CNST: variants seen among roughly 807,000 people sequenced by gnomAD.
The protein encoded by CNST is consortin, connexin sorting protein.
A neutral mutation model predicts 72.4 loss-of-function variants in CNST; 39 were observed. That is an observed-to-expected ratio of 0.54 (90% CI 0.42 to 0.70). CNST has a LOEUF of 0.70. Among genes scored for constraint, CNST ranks in the 30% least tolerant of loss-of-function variants. The pLI is 0.00. For missense variants in CNST, 871 were observed against 868.5 expected (o/e 1.00, Z -0.04); for synonymous variants, 332 against 320.1 (o/e 1.04, Z -0.40).
intron 1 of CNST, among the ~76,000 whole-genome samples, chr1:246,576,786 A>G (rs1572113716): frequency 1.3e-5 from 2 of 151,904 alleles, no homozygotes; most frequent in South Asian, 4.2e-4. Context: ...GAGCCACCGC[A>G]CCCAGCCACA....
intron 9 of CNST, among the ~76,000 whole-genome samples, chr1:246,654,466 A>G (rs1464112302): frequency 6.6e-6 from 1 of 152,174 alleles, no homozygotes; most frequent in Non-Finnish European, 1.5e-5. Context: ...GTTTCTTTCA[A>G]ACAATTCCTC....
rs1667418034 is a variant in CNST at position 246,666,994 on chromosome 1, A to AGGT, written c.*1089_*1090insGGT. ...TCCTATTGCGGGGTCATTACGCAAA[A>AGGT]ATTCAATCATACCTTCCATAGACAA... On this transcript the variant is annotated 3_prime_UTR_variant, in exon 11 of 11. Coordinates refer to ENST00000366513, the MANE Select transcript of CNST (RefSeq NM_152609.3). 1 of 152,106 alleles carries AGGT rather than the reference A, an allele frequency of 6.6e-6. No homozygotes were observed. Among genetic ancestry groups the AGGT allele is most frequent in the Non-Finnish European group, 1.5e-5 (1 of 68,034 alleles). The allele number at this position is 152,106 out of a possible 1,614,324, so 9.4% of individuals were successfully genotyped here.
At chr1:246,586,671 G>A (rs1022003002) in intron 1 of CNST, among the ~76,000 whole-genome samples, 5 of 151,884 alleles carry the variant, frequency 3.3e-5, no homozygotes, top group African/African-American at 7.3e-5. Flanking sequence ...CTAATGGGGC[G>A]GTTATATAGC....
chr1:246,587,050 A>C (rs1393915924), intron 1 of CNST, among the ~76,000 whole-genome samples: 1 of 152,224 alleles, frequency 6.6e-6, no homozygotes, highest in East Asian at 1.9e-4. Flanking sequence ...AAATGGAAAT[A>C]ATTTTAGAAC....
intron 10 of CNST, among the ~76,000 whole-genome samples, chr1:246,662,356 G>GA (rs1450141725): frequency 6.6e-6 from 1 of 152,160 alleles, no homozygotes; most frequent in Non-Finnish European, 1.5e-5. Context: ...ATGTTAAAGT[G>GA]AAAAGAAACA....
Position 246,665,890 on chromosome 1 carries a change from G to T in CNST, c.2163G>T (p.Trp721Cys). 6.2e-7 allele frequency: 1 copy of T among 1,611,712 alleles called. No homozygotes were observed. Among genetic ancestry groups the T allele is most frequent in the African/African-American group, 1.3e-5 (1 of 74,996 alleles). ...AGGGAGTGGCAGAACTGAAGCACTG[G>T]ATCTACCTCTCCTAGCAGCATTCCA... ...LLQGVAELKH[W>C]IYLS Residue 721 changes from tryptophan to cysteine, a missense_variant, in exon 11 of 11, where the codon TGG (tryptophan) becomes TGT (cysteine). Coordinates refer to ENST00000366513, the MANE Select transcript of CNST (RefSeq NM_152609.3).
intron 1 of CNST, among the ~76,000 whole-genome samples, chr1:246,575,692 A>C (rs1572111126): frequency 6.6e-6 from 1 of 152,180 alleles, no homozygotes; most frequent in Non-Finnish European, 1.5e-5. Flanking sequence ...AAGCTATTGA[A>C]TTGTGCATTT....
Position 246,591,697 on chromosome 1 carries a change from G to C in CNST, c.135G>C (p.Gly45=). ...ASDENENQLD[G]DGHEHLTSSD... ...ATGAAAATGAAAATCAGCTTGACGG[G>C]GACGGGCATGAGCATCTGACCAGCA... The change falls in exon 2 of 11, where the codon GGG becomes GGC. Residue 45 remains glycine (G), a synonymous_variant. Transcript: ENST00000366513. The C allele has an allele frequency of 6.2e-7, 1 of 1,614,138 alleles. No homozygotes were observed. Among genetic ancestry groups the C allele is most frequent in the Non-Finnish European group, 8.5e-7 (1 of 1,180,034 alleles).
intron 1 of CNST, among the ~76,000 whole-genome samples, chr1:246,585,789 C>T (rs1444884605): frequency 6.6e-6 from 1 of 150,800 alleles, no homozygotes; most frequent in Non-Finnish European, 1.5e-5. Flanking sequence ...CGATCAGTTT[C>T]TTTGCCTACG....
chr1:246,592,010 T>C (rs1661576777), intron 2 of CNST, 69 bp downstream of exon 2: 2 of 1,229,986 alleles, frequency 1.6e-6, no homozygotes, highest in South Asian at 3.1e-5. Context: ...CCTCCCATAC[T>C]GTGTTTACTG....
intron 1 of CNST, among the ~76,000 whole-genome samples, chr1:246,577,840 C>T (rs2103007683): frequency 6.6e-6 from 1 of 152,178 alleles, no homozygotes; most frequent in East Asian, 1.9e-4. Context: ...CCTATCATTT[C>T]TTTGCGTTTT....
chr1:246,597,649 T>C lies in CNST; in HGVS notation c.379+5708T>C, dbSNP rs76290959. ...GCCCTGACTTGTTTCTCTGGAGGCC[T>C]TCACAGTGTGGCCAGCTGAAGGATG... On this transcript the variant is annotated intron_variant, in intron 2 of 10. Transcript: ENST00000366513. Among the ~76,000 whole-genome samples, 113 of 152,314 alleles carry C rather than the reference T, an allele frequency of 7.4e-4. 1 individual carries two copies. The East Asian group carries it at 0.018, about 24-fold the overall frequency.
intron 3 of CNST, among the ~76,000 whole-genome samples, chr1:246,624,201 G>A (rs917446001): frequency 3.9e-5 from 6 of 152,172 alleles, no homozygotes; most frequent in African/African-American, 1.4e-4. Flanking sequence ...AAGCTGTCAC[G>A]AACTCACCAT....
intron 9 of CNST, among the ~76,000 whole-genome samples, chr1:246,653,582 C>T (rs1338664939): frequency 2.6e-5 from 4 of 152,158 alleles, no homozygotes; most frequent in Non-Finnish European, 5.9e-5. Flanking sequence ...ATCTAAAGAG[C>T]GCCCAAAGGA....
Position 246,626,604 on chromosome 1 carries a change from G to A in CNST, c.585+4970G>A, listed in dbSNP as rs182880884. ...CACAAGTAGCTGGGATTACAGGCAC[G>A]TGCCACCACACCTGGCTAATTTTTA... On this transcript the variant is annotated intron_variant, in intron 3 of 10. Coordinates refer to ENST00000366513, the MANE Select transcript of CNST (RefSeq NM_152609.3). Among the ~76,000 whole-genome samples the A allele has an allele frequency of 7.1e-4, 108 of 151,410 alleles. 1 individual carries two copies. The East Asian group carries it at 0.012, about 17-fold the overall frequency.
At chr1:246,589,010 T>C (rs1332171349) in intron 1 of CNST, among the ~76,000 whole-genome samples, 2 of 152,140 alleles carry the variant, frequency 1.3e-5, no homozygotes, top group Non-Finnish European at 2.9e-5. Flanking sequence ...TCAATAGCCC[T>C]GTGTGGTTAG....
intron 10 of CNST, among the ~76,000 whole-genome samples, chr1:246,662,266 T>C (rs1353885433): frequency 1.3e-5 from 2 of 152,268 alleles, no homozygotes; most frequent in Admixed American, 1.3e-4. Flanking sequence ...TAAAAGGGCC[T>C]GTTCTTCCTT....
chr1:246,610,462 C>A (rs557121543), intron 2 of CNST, among the ~76,000 whole-genome samples: 1 of 152,020 alleles, frequency 6.6e-6, no homozygotes, highest in Non-Finnish European at 1.5e-5. Context: ...CGGCTTCTTC[C>A]GGGATGTTTT....
chr1:246,634,580 C>T lies in CNST; in HGVS notation c.811C>T (p.His271Tyr). ...ACGGCTTACGAAAATTTGTGCAACACATCAAGAGTAAGTATATCAGAATTT... is the reference window on the plus strand; with the variant it reads ...ACGGCTTACGAAAATTTGTGCAACATATCAAGAGTAAGTATATCAGAATTT... ...FERLTKICAT[H>Y]QDPLLSKHKI... is the part of the protein sequence containing the mutation. Residue 271 changes from histidine to tyrosine, a missense_variant, in exon 6 of 11, where the codon CAT becomes TAT. Transcript: ENST00000366513. 1.3e-6 allele frequency: 2 copies of T among 1,565,038 alleles called. No homozygotes were observed. Among genetic ancestry groups the T allele is most frequent in the African/African-American group, 1.4e-5 (1 of 73,398 alleles).
Sources: gnomAD v4.1 joint callset for allele counts (sites outside exome capture counted in the v4.1 genomes callset) on GRCh38, gnomAD v4.1.1 for gene constraint, MANE v1.5 for transcripts, NCBI Gene and HGNC (gene_info 2026-07-23, HGNC 2026-07-21) for gene names.